The following GLI1 variants were observed in gnomAD, a reference collection of about 807,000 sequenced individuals.
The protein encoded by GLI1 is transcription activator GLI1.
Under a neutral mutation model 87.8 loss-of-function variants are expected in GLI1, and 51 were observed. The observed-to-expected ratio is 0.58, with a 90% CI of 0.46 to 0.73. The LOEUF (loss-of-function observed/expected upper bound fraction) is 0.73, where lower values mean the gene tolerates loss of function less well. GLI1 is among the 30% of genes least tolerant of loss of function. GLI1 has a pLI of 0.00. For missense variants in GLI1, 1,292 were observed against 1,437.2 expected (o/e 0.90, Z 1.63); for synonymous variants, 528 against 558.2 (o/e 0.95, Z 0.76).
chr12:57,465,520 G>T (rs1594744352), intron 5 of GLI1, 87 bp from the exon 6 acceptor site: 2 of 1,071,226 alleles, frequency 1.9e-6, no homozygotes, highest in East Asian at 5.1e-5. Flanking sequence ...TTGGGTGGGG[G>T]CACTTAGGGC....
chr12:57,465,295 AGGGTGGGT>A, intron 5 of GLI1, 40 bp downstream of exon 5: 4 of 991,728 alleles, frequency 4.0e-6, no homozygotes, highest in Non-Finnish European at 5.9e-6. Context: ...CCCTCAGCTC[AGGGTGGGT>A]GGGTGGTGGA....
rs1202305900 is a variant in GLI1, at chr12:57,468,163, G to T, written c.1247G>T (p.Arg416Met). Reference protein sequence around the residue: ...APSISTVEPKREREGGPIREE... With the variant: ...APSISTVEPKMEREGGPIREE... ...TCCATTTCTACAGTGGAGCCCAAGA[G>T]GGAGCGGGAAGGAGGTCCCATCAGG... Residue 416 changes from arginine (R) to methionine (M), a missense_variant, in exon 10 of 12, where the codon AGG becomes ATG. By Grantham distance (91) the Arg-to-Met change is moderately conservative (BLOSUM62 -1). This residue lies in a region of GLI1 where 897 missense variants were observed against 1,040.7 expected (regional missense o/e 0.86). Transcript: ENST00000228682. 6.2e-7 allele frequency: 1 copy of T among 1,614,216 alleles called. No homozygotes were observed. Among genetic ancestry groups the T allele is most frequent in the Admixed American group, 1.7e-5 (1 of 60,036 alleles).
In GLI1 at chr12:57,463,689, G is replaced by T. The variant is rs372716016; in HGVS notation, c.-3G>T. 2 of 1,595,226 alleles carry T rather than the reference G, an allele frequency of 1.3e-6. No individual in the cohort carries two copies. The highest frequency in any genetic ancestry group is 1.7e-6 in the Non-Finnish European group (2 of 1,164,118). On this transcript the variant is annotated 5_prime_UTR_variant, in exon 2 of 12. Coordinates refer to ENST00000228682, the MANE Select transcript of GLI1 (RefSeq NM_005269.3). ...GTGTCCCCACACCCTCCTCTGAGACGCCATGTTCAACTCGATGACCCCACC... is the reference window on the plus strand; with the variant it reads ...GTGTCCCCACACCCTCCTCTGAGACTCCATGTTCAACTCGATGACCCCACC...
chr12:57,461,467 T>C (rs1176032292), intron 1 of GLI1, among the ~76,000 whole-genome samples: 1 of 152,140 alleles, frequency 6.6e-6, no homozygotes, highest in Non-Finnish European at 1.5e-5. Context: ...CTCCTCCCCA[T>C]ACACACCTAA....
intron 10 of GLI1, 73 bp downstream of exon 10, chr12:57,468,297 A>C (rs1594747313): frequency 5.4e-6 from 5 of 923,584 alleles, no homozygotes. Flanking sequence ...TTACTTCCCA[A>C]CCCATCCATT....
chr12:57,463,596 CTG>C, intron 1 of GLI1, 67 bp from the exon 2 acceptor site: 1 of 791,924 alleles, frequency 1.3e-6, no homozygotes, highest in Non-Finnish European at 2.2e-6. Context: ...GCCCAGGATT[CTG>C]TGCCTGAGAC....
chr12:57,464,734 C>T lies in GLI1; in HGVS notation c.255C>T (p.Ile85=). Residue 85 remains isoleucine (I), a synonymous_variant, in exon 4 of 12, where the codon ATC becomes ATT. Coordinates refer to ENST00000228682, the MANE Select transcript of GLI1 (RefSeq NM_005269.3). ...TGACCAAGAAGCGGGCACTGTCCATCTCACCTCTGTCGGATGCCAGCCTGG... is the reference window on the plus strand; with the variant it reads ...TGACCAAGAAGCGGGCACTGTCCATTTCACCTCTGTCGGATGCCAGCCTGG... ...VKLTKKRALS[I]SPLSDASLDL... is the part of the protein sequence containing the mutation. 6.2e-7 allele frequency: 1 copy of T among 1,614,008 alleles called. No individual in the cohort carries two copies. Among genetic ancestry groups the T allele is most frequent in the Non-Finnish European group, 8.5e-7 (1 of 1,179,874 alleles).
Position 57,472,192 on chromosome 12 carries a change from A to G in GLI1, c.*131A>G. The stretch of plus-strand genomic sequence containing the variant: ...GGGAGGTATGGGCTGGGGGCTATGT[A>G]TAGTCTGTATACGTTTTGAGGAGAA... On this transcript the variant is annotated 3_prime_UTR_variant, in exon 12 of 12. Transcript: ENST00000228682. 1.6e-6 allele frequency: 1 copy of G among 640,810 alleles called. No individual in the cohort carries two copies. The highest frequency in any genetic ancestry group is 2.9e-5 in the East Asian group (1 of 34,484). 39.7% of individuals were successfully genotyped at this position (640,810 alleles called of 1,614,324 possible).
Position 57,463,766 on chromosome 12 carries a change from G to A in GLI1, c.75G>A (p.Gln25=). 6.2e-7 allele frequency: 1 copy of A among 1,603,768 alleles called. No individual in the cohort carries two copies. The highest frequency in any genetic ancestry group is 8.5e-7 in the Non-Finnish European group (1 of 1,174,004). Residue 25 remains glutamine, a synonymous_variant, in exon 2 of 12, where the codon CAG becomes CAA. Coordinates refer to ENST00000228682, the MANE Select transcript of GLI1 (RefSeq NM_005269.3). ...GCTGTCTCCGGCCCCTCCCCAGTCAGGGGGCCCCCAGTGTGGGGACAGAAG... is the reference window on the plus strand; with the variant it reads ...GCTGTCTCCGGCCCCTCCCCAGTCAAGGGGCCCCCAGTGTGGGGACAGAAG... ...EPCCLRPLPS[Q]GAPSVGTEGL...
Position 57,471,043 on chromosome 12 carries a change from A to G in GLI1, c.2303A>G (p.Gln768Arg). The change falls in exon 12 of 12, where the codon CAG becomes CGG. Residue 768 changes from glutamine to arginine, a missense_variant. By Grantham distance (43) the Gln-to-Arg change is conservative. Around this residue, in one of 3 missense-constraint regions of GLI1, gnomAD observed 897 missense variants for 1,040.7 expected, o/e 0.86. Transcript: ENST00000228682. This position sits in a 1 kb window ranked among gnomAD's most constrained non-coding sequence, Gnocchi z 4.9. ...PTNYGPNPCP[Q>R]QASYPDPTQE... ...AACTATGGCCCCAACCCCTGTCCCC[A>G]GCAGGCCTCATATCCTGACCCCACC... is the stretch of plus-strand genomic sequence containing the variant. The G allele has an allele frequency of 3.1e-6, 5 of 1,610,852 alleles. No homozygotes were observed. The highest frequency in any genetic ancestry group is 4.2e-6 in the Non-Finnish European group (5 of 1,178,304).
rs780316234 is a variant in GLI1, at chr12:57,465,167, T to C, written c.446T>C (p.Phe149Ser). ...MNHQKGPSPS[F>S]GVQPCGPHDS... ...CACCAAAAAGGGCCCTCGCCTTCCT[T>C]TGGGGTCCAGCCTTGTGGTCCCCAT... The change falls in exon 5 of 12, where the codon TTT (phenylalanine) becomes TCT (serine). Residue 149 changes from phenylalanine to serine, a missense_variant. Around this residue, in one of 3 missense-constraint regions of GLI1, gnomAD observed 383 missense variants for 368.4 expected, o/e 1.04. Transcript: ENST00000228682. 2 of 1,613,880 alleles carry C rather than the reference T, an allele frequency of 1.2e-6. No homozygotes were observed. Among genetic ancestry groups the C allele is most frequent in the South Asian group, 1.1e-5 (1 of 91,078 alleles).
In GLI1 at chr12:57,471,982, C is replaced by T. The variant is rs748362709; in HGVS notation, c.3242C>T (p.Pro1081Leu). The change falls in exon 12 of 12, where the codon CCC (proline) becomes CTC (leucine). Residue 1081 changes from proline to leucine, a missense_variant. By Grantham distance (98) the Pro-to-Leu change is moderately conservative (BLOSUM62 -3). Around this residue, in one of 3 missense-constraint regions of GLI1, gnomAD observed 897 missense variants for 1,040.7 expected, o/e 0.86. Transcript: ENST00000228682. The surrounding 1 kb of genome is among the most constrained non-coding windows in gnomAD (Gnocchi z 4.9). ...SGHTPPPSGPPNMAVGNMSVL... is the reference protein window; with the variant it reads ...SGHTPPPSGPLNMAVGNMSVL... The stretch of plus-strand genomic sequence containing the variant: ...CATACCCCACCTCCCTCTGGGCCCC[C>T]CAACATGGCTGTGGGCAACATGAGT... 1 of 1,586,120 alleles carries T rather than the reference C, an allele frequency of 6.3e-7. No homozygotes were observed. The highest frequency in any genetic ancestry group is 8.6e-7 in the Non-Finnish European group (1 of 1,167,906).
chr12:57,465,289 C>T, intron 5 of GLI1, 34 bp downstream of exon 5: 2 of 1,573,878 alleles, frequency 1.3e-6, no homozygotes, highest in South Asian at 1.2e-5. Context: ...TGATTTCCCT[C>T]AGCTCAGGGT....
intron 8 of GLI1, 52 bp downstream of exon 8, chr12:57,466,441 C>T (rs1468522154): frequency 2.7e-6 from 4 of 1,474,360 alleles, no homozygotes; most frequent in Non-Finnish European, 3.7e-6. Flanking sequence ...CAGGGCTCTC[C>T]TTCAAGGTAG....
chr12:57,470,116 C>A (rs1051868619), intron 11 of GLI1, among the ~76,000 whole-genome samples: 3 of 152,194 alleles, frequency 2.0e-5, no homozygotes, highest in Non-Finnish European at 4.4e-5. Context: ...AGCACACAAC[C>A]TGCACAACTG....
In GLI1 at chr12:57,469,568, C is replaced by T. The variant is rs199949777; in HGVS notation, c.1446C>T (p.Asp482=). 9.3e-6 allele frequency: 15 copies of T among 1,614,164 alleles called. No homozygotes were observed. Among genetic ancestry groups the T allele is most frequent in the East Asian group, 4.5e-5 (2 of 44,886 alleles). The change falls in exon 11 of 12, where the codon GAC becomes GAT. Residue 482 remains aspartate (D), a synonymous_variant. Coordinates refer to ENST00000228682, the MANE Select transcript of GLI1 (RefSeq NM_005269.3). ...GCACTGAAGACCTCTCCAGCTTGGA[C>T]GAGGGACCTTGCATTGCTGGCACTG... ...GGSTEDLSSL[D]EGPCIAGTGL... is the part of the protein sequence containing the mutation.
chr12:57,466,475 T>C, intron 8 of GLI1, 86 bp downstream of exon 8: 1 of 939,328 alleles, frequency 1.1e-6, no homozygotes, highest in Non-Finnish European at 1.6e-6. Context: ...CTTTTGCTTT[T>C]ATAAGTCCTT....
chr12:57,462,773 G>A (rs938275449), intron 1 of GLI1, among the ~76,000 whole-genome samples: 1 of 152,188 alleles, frequency 6.6e-6, no homozygotes, highest in Admixed American at 6.5e-5. Context: ...CTGTCTAAGA[G>A]GGCAGATGGC....
rs142089139 is a variant in GLI1 at position 57,470,285 on chromosome 12, A to T, written c.1577-32A>T. Reference sequence around the variant, plus strand: ...AGGGTGAAATTTAGGAAGCTCCTTGACCATCCTACCTTTTCTCCCCATCAC... The same window carrying T: ...AGGGTGAAATTTAGGAAGCTCCTTGTCCATCCTACCTTTTCTCCCCATCAC... On this transcript the variant is annotated intron_variant, in intron 11 of 11. Transcript: ENST00000228682. The T allele has an allele frequency of 3.2e-4, 484 of 1,504,588 alleles. 3 individuals are homozygous for T. The African/African-American group carries it at 5.7e-3, about 18-fold the overall frequency. 93.2% of individuals were successfully genotyped at this position (1,504,588 alleles called of 1,614,324 possible). A position where few individuals can be genotyped will look rare whatever the true frequency, so the allele number is the denominator to read the frequency against.
Sources: gnomAD v4.1 joint callset for allele counts (sites outside exome capture counted in the v4.1 genomes callset) on GRCh38, gnomAD v4.1.1 for gene constraint, gnomAD v4.1.1 regional missense constraint, Gnocchi (gnomAD v3.1) non-coding constraint, MANE v1.5 for transcripts, NCBI Gene and HGNC (gene_info 2026-07-23, HGNC 2026-07-21) for gene names.